The following SPTLC1 variants were observed in gnomAD, a reference collection of about 807,000 sequenced individuals.
The protein encoded by SPTLC1 is serine palmitoyltransferase long chain base subunit 1, also known as serine palmitoyltransferase 1.
SPTLC1 carries 55 observed loss-of-function variants against 68.9 expected under a neutral mutation model. The ratio of observed to expected loss-of-function variants is 0.80; its 90% CI spans 0.64 to 1.00. The LOEUF is 1.00. SPTLC1 is among the 50% of genes least tolerant of loss of function. The pLI is 0.00. For synonymous variants in SPTLC1, 197 were observed against 201.6 expected, an observed-to-expected ratio of 0.98 and a Z score of 0.19; for missense variants, 449 against 573.1, an observed-to-expected ratio of 0.78 and a Z score of 2.21.
chr9:92,115,290 G>A (rs756947693), intron 1 of SPTLC1, 24 bp downstream of exon 1: 5 of 1,611,074 alleles, frequency 3.1e-6, no homozygotes, highest in Middle Eastern at 2.2e-4. Context: ...TGTGGTCGCG[G>A]ACCGCTAATG....
At chr9:92,045,468 A>G (rs1395739318) in intron 12 of SPTLC1, among the ~76,000 whole-genome samples, 1 of 145,870 alleles carries the variant, frequency 6.9e-6, no homozygotes, top group Non-Finnish European at 1.5e-5. Context: ...CACAATGTGC[A>G]TATGTACCCT....
At chr9:92,051,727 A>G (rs998694069) in intron 8 of SPTLC1, among the ~76,000 whole-genome samples, 2 of 152,266 alleles carry the variant, frequency 1.3e-5, no homozygotes, top group Non-Finnish European at 2.9e-5. Flanking sequence ...AAGATCCACA[A>G]AAGTATTATT....
At chr9:92,047,550 T>C in intron 10 of SPTLC1, 63 bp downstream of exon 10, 1 of 1,118,812 alleles carries the variant, frequency 8.9e-7, no homozygotes, top group South Asian at 1.3e-5. Flanking sequence ...CAAAATTATA[T>C]TTTGAGGTGA....
intron 14 of SPTLC1, 125 bp from the exon 15 acceptor site, chr9:92,032,683 T>C: frequency 1.6e-6 from 2 of 1,273,110 alleles, no homozygotes; most frequent in Non-Finnish European, 1.1e-6. Flanking sequence ...GAGACCATCC[T>C]GGCTAACACA....
chr9:92,042,935 G>A (rs1331884618), intron 12 of SPTLC1, among the ~76,000 whole-genome samples: 1 of 152,212 alleles, frequency 6.6e-6, no homozygotes, highest in East Asian at 1.9e-4. Context: ...TTAGCCAGAT[G>A]TTATTCAGAA....
intron 3 of SPTLC1, among the ~76,000 whole-genome samples, chr9:92,107,355 C>A (rs1345361464): frequency 2.6e-5 from 4 of 152,154 alleles, no homozygotes; most frequent in African/African-American, 9.7e-5. Flanking sequence ...GATTATTCAA[C>A]TAATAATGCT....
Position 92,081,029 on chromosome 9 carries a change from G to C in SPTLC1, c.261-66C>G. Reference sequence around the variant, plus strand: ...ATGTTACATGCTATCATATTACCTTGGTGGTAGGCACAACAACATAGTGTT... The same window carrying C: ...ATGTTACATGCTATCATATTACCTTCGTGGTAGGCACAACAACATAGTGTT... On this transcript the variant is annotated intron_variant, in intron 3 of 14. Coordinates refer to ENST00000262554, the MANE Select transcript of SPTLC1 (RefSeq NM_006415.4). 3 of 1,228,316 alleles carry C rather than the reference G, an allele frequency of 2.4e-6. No individual in the cohort carries two copies. In the South Asian group the frequency reaches 3.7e-5, roughly 15 times the overall value. The allele number at this position is 1,228,316 out of a possible 1,614,324, so 76.1% of individuals were successfully genotyped here.
Position 92,031,543 on chromosome 9 carries a change from G to T in SPTLC1, c.*922C>A, listed in dbSNP as rs1587895649. 1 of 152,124 alleles carries T rather than the reference G, an allele frequency of 6.6e-6. No homozygotes were observed. The highest frequency in any genetic ancestry group is 2.4e-5 in the African/African-American group (1 of 41,444). 9.4% of individuals were successfully genotyped at this position (152,124 alleles called of 1,614,324 possible). A position where few individuals can be genotyped will look rare whatever the true frequency, so the allele number is the denominator to read the frequency against. ...CATCTTTTGTAGATATCTGGAATTT[G>T]TAAGATGAAAAGAAAAATTCTCTTT... On this transcript the variant is annotated 3_prime_UTR_variant, in exon 15 of 15. Coordinates refer to ENST00000262554, the MANE Select transcript of SPTLC1 (RefSeq NM_006415.4).
At chr9:92,092,451 G>A (rs1208382744) in intron 3 of SPTLC1, among the ~76,000 whole-genome samples, 4 of 152,162 alleles carry the variant, frequency 2.6e-5, no homozygotes, top group South Asian at 2.1e-4. Flanking sequence ...CCTACAGGCC[G>A]GGTGCAGTGA....
At chr9:92,095,564 C>G (rs574889375) in intron 3 of SPTLC1, among the ~76,000 whole-genome samples, 220 of 152,282 alleles carry the variant, frequency 1.4e-3, no homozygotes, top group African/African-American at 4.7e-3. Flanking sequence ...GCAACTCTAC[C>G]TCTCTTTACT....
intron 3 of SPTLC1, chr9:92,104,979 C>A: frequency 1.3e-6 from 2 of 1,532,426 alleles, no homozygotes; most frequent in Non-Finnish European, 8.7e-7. Flanking sequence ...CCACTTCCAA[C>A]AGTGCTCCCT....
At chr9:92,099,689 C>T (rs1359479550) in intron 3 of SPTLC1, among the ~76,000 whole-genome samples, 1 of 151,944 alleles carries the variant, frequency 6.6e-6, no homozygotes, top group Admixed American at 6.6e-5. Flanking sequence ...GTCATGTTGC[C>T]CAGGCTGGTC....
At chr9:92,105,085 G>C in intron 3 of SPTLC1, 3 of 1,532,544 alleles carry the variant, frequency 2.0e-6, no homozygotes, top group Admixed American at 2.0e-5. Flanking sequence ...TGCTGATGGT[G>C]GGGGAGGACA....
At chr9:92,090,015 A>G (rs1053977644) in intron 3 of SPTLC1, among the ~76,000 whole-genome samples, 2 of 152,246 alleles carry the variant, frequency 1.3e-5, no homozygotes, top group Non-Finnish European at 2.9e-5. Flanking sequence ...AACATTTCTC[A>G]TTAAGAGATA....
intron 13 of SPTLC1, among the ~76,000 whole-genome samples, chr9:92,036,366 G>A (rs1239758906): frequency 2.6e-5 from 4 of 152,132 alleles, no homozygotes; most frequent in East Asian, 1.9e-4. Context: ...TGCTTCATTC[G>A]CACGTCCTCC....
Position 92,038,242 on chromosome 9 carries a change from A to C in SPTLC1, c.1254+6T>G. 6.3e-7 allele frequency: 1 copy of C among 1,579,072 alleles called. No individual in the cohort carries two copies. The highest frequency in any genetic ancestry group is 2.2e-5 in the East Asian group (1 of 44,712). On this transcript the variant is annotated splice_donor_region_variant and intron_variant, in intron 13 of 14. Transcript: ENST00000262554. ...GGGGGGATGCCTCAAGTCAACGGAT[A>C]CTTACTTGATCTACAATTTCCTGAA... is the stretch of plus-strand genomic sequence containing the variant.
intron 13 of SPTLC1, among the ~76,000 whole-genome samples, chr9:92,037,059 A>G (rs533283480): frequency 1.3e-5 from 2 of 152,202 alleles, no homozygotes; most frequent in Non-Finnish European, 2.9e-5. Context: ...GAAGACCACA[A>G]ATTTTATGAA....
chr9:92,075,860 C>A (rs918341264), intron 5 of SPTLC1, among the ~76,000 whole-genome samples: 1 of 152,206 alleles, frequency 6.6e-6, no homozygotes, highest in Non-Finnish European at 1.5e-5. Flanking sequence ...CACTACAAAT[C>A]CTAATCCACA....
At chr9:92,111,480 A>G (rs1836240593) in intron 2 of SPTLC1, 1 of 152,152 alleles carries the variant, frequency 6.6e-6, no homozygotes, top group Non-Finnish European at 1.5e-5. Flanking sequence ...AAATACCCCT[A>G]TACGAACTTC....
Sources: gnomAD v4.1 joint callset for allele counts (sites outside exome capture counted in the v4.1 genomes callset) on GRCh38, gnomAD v4.1.1 for gene constraint, MANE v1.5 for transcripts, NCBI Gene and HGNC (gene_info 2026-07-23, HGNC 2026-07-21) for gene names.